Variants in CAB39L observed in about 807,000 individuals in gnomAD.
The protein encoded by CAB39L is calcium binding protein 39 like.
A neutral mutation model predicts 39.1 loss-of-function variants in CAB39L; 23 were observed. The observed-to-expected ratio is 0.59, with a 90% CI of 0.42 to 0.83. The LOEUF is 0.83. CAB39L is among the 40% of genes least tolerant of loss of function. The pLI is 0.00. For synonymous variants in CAB39L, 126 were observed against 137.2 expected, an observed-to-expected ratio of 0.92 and a Z score of 0.57; for missense variants, 366 against 391.9, an observed-to-expected ratio of 0.93 and a Z score of 0.56.
chr13:49,426,033 C>T (rs1398578512), intron 3 of CAB39L, among the ~76,000 whole-genome samples: 2 of 152,142 alleles, frequency 1.3e-5, no homozygotes, highest in Admixed American at 6.5e-5. Flanking sequence ...AAAATACATT[C>T]CTCTTAAAGC....
intron 10 of CAB39L, among the ~76,000 whole-genome samples, chr13:49,325,683 G>A (rs900023071): frequency 2.4e-4 from 37 of 152,186 alleles, no homozygotes; most frequent in Non-Finnish European, 1.5e-4. Flanking sequence ...CAGCTACTCG[G>A]GAGGCTGAGA....
At chr13:49,358,047 C>T (rs1218213562) in intron 6 of CAB39L, among the ~76,000 whole-genome samples, 1 of 152,186 alleles carries the variant, frequency 6.6e-6, no homozygotes, top group African/African-American at 2.4e-5. Flanking sequence ...GATGACAGAA[C>T]CCCCTGATGA....
In CAB39L at chr13:49,341,046, C is replaced by T. The variant is rs73485426; in HGVS notation, c.625-1304G>A. 2.3e-3 allele frequency among the ~76,000 whole-genome samples: 353 copies of T among 152,262 alleles called. 3 individuals are homozygous for T. Among genetic ancestry groups the T allele is most frequent in the African/African-American group, 8.2e-3 (340 of 41,548 alleles). ...AAGCATTACTGCACAACACATTTAC[C>T]TCATTCATTCTATAGGAAAAAATAG... is the stretch of plus-strand genomic sequence containing the variant. On this transcript the variant is annotated intron_variant, in intron 8 of 10. Coordinates refer to ENST00000409308, the MANE Select transcript of CAB39L (RefSeq NM_001079670.3).
chr13:49,311,125 C>G, intron 10 of CAB39L, 132 bp from the exon 11 acceptor site: 1 of 723,022 alleles, frequency 1.4e-6, no homozygotes, highest in Middle Eastern at 2.7e-4. Context: ...TGCGTAGAAG[C>G]CCCTGACTCT....
chr13:49,411,573 T>C (rs969256635), intron 3 of CAB39L, among the ~76,000 whole-genome samples: 76 of 152,190 alleles, frequency 5.0e-4, no homozygotes, highest in Non-Finnish European at 1.5e-4. Context: ...TTAAATGAGA[T>C]AATACTATAC....
intron 10 of CAB39L, among the ~76,000 whole-genome samples, chr13:49,328,110 G>C (rs1954554699): frequency 6.6e-6 from 1 of 152,194 alleles, no homozygotes; most frequent in African/African-American, 2.4e-5. Flanking sequence ...ATCCAAGAGT[G>C]TCTCTAAGAA....
At chr13:49,432,192 T>C (rs990793635) in intron 3 of CAB39L, among the ~76,000 whole-genome samples, 3 of 152,186 alleles carry the variant, frequency 2.0e-5, no homozygotes, top group African/African-American at 4.8e-5. Context: ...TCTTGATCTG[T>C]TGCCCAGGCT....
chr13:49,361,515 GGAAA>G (rs1593987374), intron 5 of CAB39L, among the ~76,000 whole-genome samples: 3 of 134,570 alleles, frequency 2.2e-5, no homozygotes, highest in African/African-American at 8.3e-5. Context: ...CAGAAAGAAA[GGAAA>G]GAGAGAGAGA....
In CAB39L at chr13:49,435,957, G is replaced by A. The variant is rs769551565; in HGVS notation, c.-245-1734C>T. 3.3e-5 allele frequency among the ~76,000 whole-genome samples: 5 copies of A among 152,208 alleles called. No individual in the cohort carries two copies. In the South Asian group the frequency reaches 8.3e-4, roughly 25 times the overall value. ...GATATAAGTCCAAATATTTTTCCCC[G>A]CTTTGTCGCTTGCCTTTTGACTTTG... On this transcript the variant is annotated intron_variant, in intron 1 of 10. Coordinates refer to ENST00000409308, the MANE Select transcript of CAB39L (RefSeq NM_001079670.3).
At chr13:49,364,313 A>G (rs535223059) in intron 5 of CAB39L, among the ~76,000 whole-genome samples, 1 of 152,328 alleles carries the variant, frequency 6.6e-6, no homozygotes, top group African/African-American at 2.4e-5. Flanking sequence ...CAAGAGAATG[A>G]AATGAAGGGC....
At chr13:49,421,802 G>A (rs1957175697) in intron 3 of CAB39L, among the ~76,000 whole-genome samples, 1 of 152,096 alleles carries the variant, frequency 6.6e-6, no homozygotes, top group Non-Finnish European at 1.5e-5. Flanking sequence ...AGAGAACCAA[G>A]CCCCTCTGGT....
chr13:49,340,258 G>A (rs939939529), intron 8 of CAB39L, among the ~76,000 whole-genome samples: 10 of 152,188 alleles, frequency 6.6e-5, no homozygotes, highest in East Asian at 3.8e-4. Flanking sequence ...ACTGGTGCAC[G>A]AAGTCTTCTT....
In CAB39L at chr13:49,443,996, A is replaced by G. The variant is rs1453031581; in HGVS notation, c.-256T>C. Reference sequence around the variant, plus strand: ...CAGCCTCACACCTACCGGAGGAAACAGCTGCGCCACCACTCCAGTGATGCC... The same window carrying G: ...CAGCCTCACACCTACCGGAGGAAACGGCTGCGCCACCACTCCAGTGATGCC... On this transcript the variant is annotated 5_prime_UTR_variant, in exon 1 of 11. Transcript: ENST00000409308. The G allele has an allele frequency of 2.2e-5, 10 of 456,658 alleles. No homozygotes were observed. The highest frequency in any genetic ancestry group is 3.2e-4 in the Middle Eastern group (1 of 3,098). 28.3% of individuals were successfully genotyped at this position (456,658 alleles called of 1,614,324 possible).
intron 6 of CAB39L, among the ~76,000 whole-genome samples, chr13:49,355,154 T>A (rs750851443): frequency 6.6e-6 from 1 of 151,700 alleles, no homozygotes; most frequent in South Asian, 2.1e-4. Flanking sequence ...GGCAGGAGGA[T>A]TGCTTGAGCC....
intron 10 of CAB39L, among the ~76,000 whole-genome samples, chr13:49,321,308 AAT>A (rs1398366353): frequency 6.6e-6 from 1 of 152,226 alleles, no homozygotes; most frequent in Non-Finnish European, 1.5e-5. Flanking sequence ...TTTCCTTAAC[AAT>A]ATGTTTTTTA....
intron 1 of CAB39L, among the ~76,000 whole-genome samples, chr13:49,436,959 C>A (rs1957428233): frequency 6.7e-6 from 1 of 150,280 alleles, no homozygotes; most frequent in Non-Finnish European, 1.5e-5. Context: ...TTTGTAGAGA[C>A]TAGGTCTCAC....
At chr13:49,357,756 T>C (rs1335641582) in intron 6 of CAB39L, among the ~76,000 whole-genome samples, 1 of 152,158 alleles carries the variant, frequency 6.6e-6, no homozygotes, top group Non-Finnish European at 1.5e-5. Context: ...CCCAAGCTAT[T>C]TTCTATGTTG....
At chr13:49,381,818 G>C (rs1295890303) in intron 4 of CAB39L, among the ~76,000 whole-genome samples, 2 of 152,170 alleles carry the variant, frequency 1.3e-5, no homozygotes, top group African/African-American at 4.8e-5. Context: ...ACAATGCTAT[G>C]AACATTCTTG....
chr13:49,398,706 A>T (rs1263650036), intron 3 of CAB39L, among the ~76,000 whole-genome samples: 1 of 152,078 alleles, frequency 6.6e-6, no homozygotes, highest in Admixed American at 6.6e-5. Flanking sequence ...TGACTTTTAA[A>T]TTTCATATAC....
Sources: allele counts gnomAD v4.1 joint callset (sites outside exome capture counted in the v4.1 genomes callset), GRCh38; gene constraint gnomAD v4.1.1; transcripts MANE v1.5; gene names NCBI Gene and HGNC (gene_info 2026-07-23, HGNC 2026-07-21).